LRFN5: variants seen among roughly 807,000 people sequenced by gnomAD.
The protein encoded by LRFN5 is leucine-rich repeat and fibronectin type-III domain-containing protein 5.
LRFN5 carries 24 observed loss-of-function variants against 45.6 expected under a neutral mutation model. That is an observed-to-expected ratio of 0.53 (90% CI 0.38 to 0.74). The LOEUF (loss-of-function observed/expected upper bound fraction) is 0.74, where lower values mean the gene tolerates loss of function less well. Among genes scored for constraint, LRFN5 ranks in the 30% least tolerant of loss-of-function variants. The pLI, the probability that LRFN5 is intolerant of heterozygous loss-of-function variation, is 0.00. For missense variants in LRFN5, 776 were observed against 861.5 expected, an observed-to-expected ratio of 0.90 and a Z score of 1.24; for synonymous variants, 340 against 313.8, an observed-to-expected ratio of 1.08 and a Z score of -0.88.
chr14:41,806,527 T>C (rs918998512), intron 2 of LRFN5, among the ~76,000 whole-genome samples: 2 of 152,168 alleles, frequency 1.3e-5, no homozygotes, highest in Admixed American at 6.6e-5. Context: ...AAAGCTTTGC[T>C]GTGATTACGT....
intron 1 of LRFN5, among the ~76,000 whole-genome samples, chr14:41,703,189 TA>T (rs1459826416): frequency 6.6e-6 from 1 of 152,218 alleles, no homozygotes; most frequent in Non-Finnish European, 1.5e-5. Flanking sequence ...TTAATTAATT[TA>T]ATTCTTCAGT....
At chr14:41,894,835 C>T in intron 4 of LRFN5, 1 of 981,100 alleles carries the variant, frequency 1.0e-6, no homozygotes, top group Non-Finnish European at 1.2e-6. Context: ...CCATAAGCAA[C>T]AAATTCTCTG....
At chr14:41,682,136 A>C (rs971351607) in intron 1 of LRFN5, among the ~76,000 whole-genome samples, 2 of 151,980 alleles carry the variant, frequency 1.3e-5, no homozygotes, top group African/African-American at 2.4e-5. Flanking sequence ...TCTTATCATA[A>C]GTAAAAAGAC....
intron 2 of LRFN5, among the ~76,000 whole-genome samples, chr14:41,799,532 A>G (rs927561156): frequency 1.3e-5 from 2 of 151,856 alleles, no homozygotes; most frequent in Non-Finnish European, 2.9e-5. Context: ...CCATTTTCCA[A>G]TACTATAACC....
At chr14:41,837,887 C>G (rs535865813) in intron 2 of LRFN5, among the ~76,000 whole-genome samples, 1 of 152,216 alleles carries the variant, frequency 6.6e-6, no homozygotes, top group South Asian at 2.1e-4. Flanking sequence ...TTTTATGGAC[C>G]AATTTTTCAC....
At chr14:41,853,355 AT>A (rs1304846128) in intron 2 of LRFN5, among the ~76,000 whole-genome samples, 3 of 151,962 alleles carry the variant, frequency 2.0e-5, no homozygotes, top group Non-Finnish European at 4.4e-5. Context: ...GAAATTAAGC[AT>A]TTCAAGCAAA....
rs927662842 is a variant in LRFN5, at chr14:41,904,144, T to C, written c.2143-14T>C. On this transcript the variant is annotated splice_polypyrimidine_tract_variant and intron_variant, in intron 5 of 5. Transcript: ENST00000298119. ...TTCTTTCTTTTTTTCCTTTTTCTTT[T>C]TCTTTCATTTCAGAGGCTGGAGTTA... The C allele has an allele frequency of 6.3e-7, 1 of 1,595,420 alleles. No individual in the cohort carries two copies. The highest frequency in any genetic ancestry group is 8.5e-7 in the Non-Finnish European group (1 of 1,171,334).
intron 1 of LRFN5, among the ~76,000 whole-genome samples, chr14:41,758,592 A>G (rs1279876217): frequency 6.6e-6 from 1 of 152,200 alleles, no homozygotes; most frequent in Non-Finnish European, 1.5e-5. Flanking sequence ...TCTTAAGTCA[A>G]TGTTAAAATG....
intron 1 of LRFN5, among the ~76,000 whole-genome samples, chr14:41,640,997 T>G (rs1879549544): frequency 6.6e-6 from 1 of 152,048 alleles, no homozygotes; most frequent in Non-Finnish European, 1.5e-5. Context: ...GGATGACTAT[T>G]CAAAGAAATG....
At position 41,654,119 on chromosome 14, in the gene LRFN5, G is replaced by T. The variant is rs1880262449; in HGVS notation, c.-197+45557G>T. Among the ~76,000 whole-genome samples, 4 of 151,948 alleles carry T rather than the reference G, an allele frequency of 2.6e-5. No individual in the cohort carries two copies. In the South Asian group the frequency reaches 8.3e-4, roughly 32 times the overall value. On this transcript the variant is annotated intron_variant, in intron 1 of 5. Transcript: ENST00000298119. ...TGTAAATGATGAGTTAATGGGTGCA[G>T]CACACCAACATGGCACATGTATACA...
intron 2 of LRFN5, among the ~76,000 whole-genome samples, chr14:41,871,916 C>A (rs1056779520): frequency 6.6e-6 from 1 of 152,112 alleles, no homozygotes; most frequent in Non-Finnish European, 1.5e-5. Context: ...CATATTTAAC[C>A]AATAACCATG....
chr14:41,632,211 A>G (rs1888561420), intron 1 of LRFN5, among the ~76,000 whole-genome samples: 1 of 152,168 alleles, frequency 6.6e-6, no homozygotes, highest in Non-Finnish European at 1.5e-5. Context: ...CTTAATAACT[A>G]TCATTCCTTT....
At chr14:41,630,897 C>T (rs1291457653) in intron 1 of LRFN5, among the ~76,000 whole-genome samples, 1 of 151,970 alleles carries the variant, frequency 6.6e-6, no homozygotes, top group Non-Finnish European at 1.5e-5. Context: ...AACTGGAAGG[C>T]TTAACAATTA....
chr14:41,885,743 A>T (rs955899871), intron 2 of LRFN5, among the ~76,000 whole-genome samples: 1 of 152,128 alleles, frequency 6.6e-6, no homozygotes, highest in Non-Finnish European at 1.5e-5. Context: ...TTGGCCGGGC[A>T]CAGTGGCTCA....
chr14:41,835,010 T>TA (rs71440752), intron 2 of LRFN5, among the ~76,000 whole-genome samples: 210 of 142,008 alleles, frequency 1.5e-3, no homozygotes, highest in East Asian at 7.4e-3. Flanking sequence ...CAGAACAAAT[T>TA]AAAAAAAAAA....
intron 1 of LRFN5, among the ~76,000 whole-genome samples, chr14:41,737,566 T>G (rs1396892427): frequency 6.6e-6 from 1 of 152,190 alleles, no homozygotes; most frequent in African/African-American, 2.4e-5. Context: ...AAATTATCTC[T>G]GTTTGTGGAT....
intron 2 of LRFN5, among the ~76,000 whole-genome samples, chr14:41,804,386 G>T (rs973210877): frequency 6.6e-6 from 1 of 152,090 alleles, no homozygotes; most frequent in South Asian, 2.1e-4. Context: ...CATCAGAAAT[G>T]CAAAAGCCTG....
At chr14:41,826,953 A>T (rs1888318802) in intron 2 of LRFN5, among the ~76,000 whole-genome samples, 2 of 151,584 alleles carry the variant, frequency 1.3e-5, no homozygotes, top group Admixed American at 1.3e-4. Context: ...TCACAAAATA[A>T]GTAATTATTT....
chr14:41,736,613 A>G (rs1884443379), intron 1 of LRFN5, among the ~76,000 whole-genome samples: 1 of 152,150 alleles, frequency 6.6e-6, no homozygotes, highest in African/African-American at 2.4e-5. Context: ...AGCCAGACTA[A>G]TAAAGAAGAA....
Sources: gnomAD v4.1 joint callset for allele counts (sites outside exome capture counted in the v4.1 genomes callset) on GRCh38, gnomAD v4.1.1 for gene constraint, MANE v1.5 for transcripts, NCBI Gene and HGNC (gene_info 2026-07-23, HGNC 2026-07-21) for gene names.